Variants in RANBP2 observed in about 807,000 individuals in gnomAD.
RANBP2 encodes E3 SUMO-protein ligase RanBP2.
Under a neutral mutation model 303.6 loss-of-function variants are expected in RANBP2, and 57 were observed. The observed-to-expected ratio is 0.19, with a 90% CI of 0.15 to 0.23. RANBP2 has a LOEUF of 0.23. RANBP2 is among the 10% of genes least tolerant of loss of function. The pLI is 1.00. For missense variants in RANBP2, 3,138 were observed against 3,780.8 expected, an observed-to-expected ratio of 0.83 and a Z score of 4.46; for synonymous variants, 1,167 against 1,301.5, an observed-to-expected ratio of 0.90 and a Z score of 2.23.
chr2:108,947,978 A>C, the RANBP2 span, among the ~76,000 whole-genome samples: 1 of 152,212 alleles, frequency 6.6e-6, no homozygotes, highest in Non-Finnish European at 1.5e-5. Context: ...CTTCCTTTTT[A>C]AACATAAGTT....
At chr2:109,534,802 G>T in the RANBP2 span, among the ~76,000 whole-genome samples, 68,232 of 151,390 alleles carry the variant, frequency 0.45, 15,776 homozygotes, top group African/African-American at 0.55. Flanking sequence ...AGTGAAAGTT[G>T]TTTTGTTTTG....
chr2:109,429,735 G>C, the RANBP2 span, among the ~76,000 whole-genome samples: 2 of 152,088 alleles, frequency 1.3e-5, no homozygotes, highest in Non-Finnish European at 2.9e-5. Flanking sequence ...CCATCCCCTC[G>C]AGCTTTTGTG....
At chr2:109,516,208 C>G in the RANBP2 span, among the ~76,000 whole-genome samples, 1 of 151,694 alleles carries the variant, frequency 6.6e-6, no homozygotes, top group South Asian at 2.1e-4. Context: ...AACACATGGG[C>G]CCGAGCAGGT....
chr2:108,856,955 A>T, the RANBP2 span: 10 of 1,587,960 alleles, frequency 6.3e-6, 1 homozygote, highest in South Asian at 1.0e-4. Flanking sequence ...TTTGCTCCAG[A>T]TGACGGTGGA....
At chr2:109,048,089 AG>A in the RANBP2 span, among the ~76,000 whole-genome samples, 1 of 152,228 alleles carries the variant, frequency 6.6e-6, no homozygotes, top group Non-Finnish European at 1.5e-5. Flanking sequence ...AGAACTTTAT[AG>A]CTTTCTAAAC....
At chr2:109,236,128 A>G in the RANBP2 span, among the ~76,000 whole-genome samples, 1 of 152,196 alleles carries the variant, frequency 6.6e-6, no homozygotes, top group East Asian at 1.9e-4. Flanking sequence ...TCCAAGATCA[A>G]TAGTTTATTT....
At chr2:109,499,969 C>T in the RANBP2 span, among the ~76,000 whole-genome samples, 1 of 152,024 alleles carries the variant, frequency 6.6e-6, no homozygotes, top group Non-Finnish European at 1.5e-5. Flanking sequence ...CGAGTGGGGG[C>T]TCAGGAGAGT....
chr2:108,853,849 AT>A, the RANBP2 span, among the ~76,000 whole-genome samples: 1 of 130,614 alleles, frequency 7.7e-6, no homozygotes, highest in African/African-American at 2.9e-5. Flanking sequence ...CAATATATAT[AT>A]ACTATATATA....
At chr2:109,543,028 A>G in the RANBP2 span, 1 of 152,436 alleles carries the variant, frequency 6.6e-6, no homozygotes, top group Non-Finnish European at 1.5e-5. Flanking sequence ...TGTCAGTTTT[A>G]TTTAGAATAT....
the RANBP2 span, among the ~76,000 whole-genome samples, chr2:109,765,805 T>C: frequency 6.6e-6 from 1 of 150,878 alleles, no homozygotes; most frequent in East Asian, 2.0e-4. Flanking sequence ...CTTTTGCTTG[T>C]CTTCAAATCA....
the RANBP2 span, among the ~76,000 whole-genome samples, chr2:109,499,163 C>T: frequency 6.6e-6 from 1 of 152,118 alleles, no homozygotes; most frequent in Non-Finnish European, 1.5e-5. Context: ...CCACAGGAGA[C>T]CTGCACGGAG....
At chr2:108,899,959 C>T in the RANBP2 span, among the ~76,000 whole-genome samples, 1 of 152,042 alleles carries the variant, frequency 6.6e-6, no homozygotes, top group Non-Finnish European at 1.5e-5. Context: ...GCTCTCCAAC[C>T]TGGGTGGCAG....
chr2:109,701,261 C>A, the RANBP2 span, among the ~76,000 whole-genome samples: 1 of 152,212 alleles, frequency 6.6e-6, no homozygotes, highest in Admixed American at 6.5e-5. Flanking sequence ...ATTTTCCCTT[C>A]GAACCTTGTT....
the RANBP2 span, among the ~76,000 whole-genome samples, chr2:109,713,126 C>A: frequency 6.6e-6 from 1 of 152,128 alleles, no homozygotes; most frequent in Non-Finnish European, 1.5e-5. Flanking sequence ...TTGCACTGGC[C>A]ACCTGACATT....
At chr2:108,978,179 C>T in the RANBP2 span, among the ~76,000 whole-genome samples, 4 of 152,328 alleles carry the variant, frequency 2.6e-5, no homozygotes, top group East Asian at 1.9e-4. Context: ...TGCTGAGCTA[C>T]GGCCTTCACT....
the RANBP2 span, among the ~76,000 whole-genome samples, chr2:109,447,712 G>A: frequency 1.3e-5 from 2 of 152,150 alleles, no homozygotes; most frequent in Non-Finnish European, 2.9e-5. Context: ...ATTTATTAAG[G>A]AGATAATTCC....
chr2:108,858,553 G>A, the RANBP2 span, among the ~76,000 whole-genome samples: 3 of 152,260 alleles, frequency 2.0e-5, no homozygotes, highest in East Asian at 5.8e-4. Flanking sequence ...TTCAGTACTT[G>A]TTGGTCAGCC....
the RANBP2 span, among the ~76,000 whole-genome samples, chr2:109,300,987 G>A: frequency 6.6e-6 from 1 of 152,242 alleles, no homozygotes; most frequent in African/African-American, 2.4e-5. Context: ...CCTTGCCTGA[G>A]TCTGGCTTCC....
the RANBP2 span, among the ~76,000 whole-genome samples, chr2:109,085,968 A>G: frequency 6.6e-6 from 1 of 152,152 alleles, no homozygotes; most frequent in Non-Finnish European, 1.5e-5. Flanking sequence ...ATGTACTGCC[A>G]TCACCACCAT....
Sources: gnomAD v4.1 joint callset for allele counts (sites outside exome capture counted in the v4.1 genomes callset) on GRCh38, gnomAD v4.1.1 for gene constraint, MANE v1.5 for transcripts, NCBI Gene and HGNC (gene_info 2026-07-23, HGNC 2026-07-21) for gene names.